LRFN2: variants seen among roughly 807,000 people sequenced by gnomAD.
LRFN2 encodes the protein leucine rich repeat and fibronectin type III domain containing 2, also known as leucine-rich repeat and fibronectin type-III domain-containing protein 2.
A neutral mutation model predicts 37.3 loss-of-function variants in LRFN2; 18 were observed. That is an observed-to-expected ratio of 0.48 (90% CI 0.33 to 0.72). The LOEUF is 0.72. Among genes scored for constraint, LRFN2 ranks in the 30% least tolerant of loss-of-function variants. LRFN2 has a pLI of 0.02. For missense variants in LRFN2, 1,006 were observed against 1,060.7 expected (o/e 0.95, Z 0.72); for synonymous variants, 556 against 466.6 (o/e 1.19, Z -2.47).
chr6:40,421,663 C>T (rs1348041425), intron 2 of LRFN2, among the ~76,000 whole-genome samples: 2 of 152,014 alleles, frequency 1.3e-5, no homozygotes, highest in African/African-American at 4.8e-5. Flanking sequence ...GTCAGTAATT[C>T]CAAAAGAGAG....
chr6:40,447,330 G>A (rs989049112), intron 1 of LRFN2, among the ~76,000 whole-genome samples: 1 of 152,170 alleles, frequency 6.6e-6, no homozygotes, highest in Non-Finnish European at 1.5e-5. Flanking sequence ...TACCTTTAAA[G>A]TTGTGGTAAT....
At chr6:40,494,846 G>A (rs555964853) in intron 1 of LRFN2, among the ~76,000 whole-genome samples, 1 of 152,288 alleles carries the variant, frequency 6.6e-6, no homozygotes, top group South Asian at 2.1e-4. Flanking sequence ...CACTGTTGAT[G>A]AAACAGTGTT....
chr6:40,417,269 G>T (rs894565628), intron 2 of LRFN2, among the ~76,000 whole-genome samples: 1 of 152,118 alleles, frequency 6.6e-6, no homozygotes, highest in African/African-American at 2.4e-5. Flanking sequence ...GCCGGCTGCC[G>T]CTGCTGCCAC....
chr6:40,511,967 G>C (rs904819295), intron 1 of LRFN2, among the ~76,000 whole-genome samples: 26 of 152,324 alleles, frequency 1.7e-4, no homozygotes, highest in Admixed American at 1.4e-3. Flanking sequence ...AGAAGGCTGA[G>C]GAAGAGGCAG....
intron 1 of LRFN2, among the ~76,000 whole-genome samples, chr6:40,483,702 G>T (rs891462365): frequency 1.3e-5 from 2 of 152,192 alleles, no homozygotes; most frequent in African/African-American, 4.8e-5. Flanking sequence ...GCAATTCCAT[G>T]ATGTGGGCAT....
chr6:40,442,390 A>G (rs1021119017), intron 1 of LRFN2, among the ~76,000 whole-genome samples: 1 of 152,216 alleles, frequency 6.6e-6, no homozygotes, highest in African/African-American at 2.4e-5. Context: ...GCTAGGTAGC[A>G]TTAAAGGTCA....
At chr6:40,469,935 C>T (rs1764554847) in intron 1 of LRFN2, among the ~76,000 whole-genome samples, 1 of 152,260 alleles carries the variant, frequency 6.6e-6, no homozygotes. Flanking sequence ...AGTTAGTCAT[C>T]TACCCACAGC....
chr6:40,521,216 T>C (rs954289301), intron 1 of LRFN2, among the ~76,000 whole-genome samples: 1 of 151,804 alleles, frequency 6.6e-6, no homozygotes, highest in East Asian at 2.0e-4. Context: ...ATGAGAAGGA[T>C]TGGGATTCTC....
chr6:40,432,882 G>A lies in LRFN2; in HGVS notation c.232C>T (p.Leu78=), dbSNP rs1429864472. The A allele has an allele frequency of 6.2e-7, 1 of 1,614,242 alleles. No homozygotes were observed. Among genetic ancestry groups the A allele is most frequent in the Non-Finnish European group, 8.5e-7 (1 of 1,180,048 alleles). Residue 78 remains leucine (L), a synonymous_variant, in exon 2 of 3, where the codon CTG becomes TTG. Coordinates refer to ENST00000338305, the MANE Select transcript of LRFN2 (RefSeq NM_020737.3). ...TTCCTGGACAGGGTCAGGTCCACCA[G>A]CCCCGTCATGTTGGCAAAGTCCTGG... ...SRQDFANMTG[L]VDLTLSRNTI...
chr6:40,564,538 AC>A (rs1467455995), intron 1 of LRFN2, among the ~76,000 whole-genome samples: 1 of 151,956 alleles, frequency 6.6e-6, no homozygotes. Context: ...TGATTTTACC[AC>A]CTAAGAAGGT....
intron 2 of LRFN2, among the ~76,000 whole-genome samples, chr6:40,399,548 G>T (rs927486207): frequency 7.2e-6 from 1 of 138,652 alleles, no homozygotes; most frequent in East Asian, 2.2e-4. Context: ...AGCGATTCTT[G>T]TGCTTCAGCC....
intron 1 of LRFN2, among the ~76,000 whole-genome samples, chr6:40,530,573 C>A (rs1766325248): frequency 6.6e-6 from 1 of 152,012 alleles, no homozygotes; most frequent in African/African-American, 2.4e-5. Context: ...TCTGATCACC[C>A]CTTTCCCAAC....
chr6:40,422,883 G>A (rs1763262046), intron 2 of LRFN2, among the ~76,000 whole-genome samples: 3 of 152,160 alleles, frequency 2.0e-5, no homozygotes. Context: ...CAGAAAAGAG[G>A]GAGACTGGAT....
At chr6:40,490,368 G>A (rs1277348082) in intron 1 of LRFN2, among the ~76,000 whole-genome samples, 3 of 152,190 alleles carry the variant, frequency 2.0e-5, no homozygotes, top group Non-Finnish European at 4.4e-5. Flanking sequence ...GAGGAGCAGC[G>A]AGGCTGCAGC....
chr6:40,392,413 C>T lies in LRFN2; in HGVS notation c.1900G>A (p.Gly634Arg). The change falls in exon 3 of 3, where the codon GGG becomes AGG. Residue 634 changes from glycine (G) to arginine (R), a missense_variant. This residue lies in a region of LRFN2 where 398 missense variants were observed against 327.6 expected (regional missense o/e 1.21). Transcript: ENST00000338305. This position sits in a 1 kb window ranked among gnomAD's most constrained non-coding sequence, Gnocchi z 4.7. ...ATCCTCCAGGGGGCCCGTCCCAGCCCCGCAGCCTCCCCACTGCCCAGGGAG... is the reference window on the plus strand; with the variant it reads ...ATCCTCCAGGGGGCCCGTCCCAGCCTCGCAGCCTCCCCACTGCCCAGGGAG... The part of the protein sequence containing the change: ...SSSLGSGEAA[G>R]LGRAPWRIPP... 6.4e-7 allele frequency: 1 copy of T among 1,568,642 alleles called. No individual in the cohort carries two copies. The highest frequency in any genetic ancestry group is 8.6e-7 in the Non-Finnish European group (1 of 1,156,978).
In LRFN2 at chr6:40,578,042, T is replaced by A. The variant is rs552801168; in HGVS notation, c.-19+8899A>T. 1.9e-3 allele frequency among the ~76,000 whole-genome samples: 285 copies of A among 152,168 alleles called. 3 individuals are homozygous for A. The highest frequency in any genetic ancestry group is 3.4e-3 in the Middle Eastern group (1 of 294). ...CTCCCAGCACAGCCCCGCCCTCACA[T>A]AAGCATTCAACAACCCTATAAAGTG... On this transcript the variant is annotated intron_variant, in intron 1 of 2. Transcript: ENST00000338305.
chr6:40,463,106 G>A (rs1408176245), intron 1 of LRFN2, among the ~76,000 whole-genome samples: 1 of 152,194 alleles, frequency 6.6e-6, no homozygotes, highest in Non-Finnish European at 1.5e-5. Context: ...TGAACCATAA[G>A]GTGGATTTGG....
chr6:40,534,406 C>T (rs2473578), intron 1 of LRFN2, among the ~76,000 whole-genome samples: 1 of 151,956 alleles, frequency 6.6e-6, no homozygotes, highest in Non-Finnish European at 1.5e-5. Context: ...GAGACCCCCC[C>T]ACTCCCCCCA....
At chr6:40,528,887 TCCAACTAGTC>T (rs1766302233) in intron 1 of LRFN2, among the ~76,000 whole-genome samples, 1 of 152,152 alleles carries the variant, frequency 6.6e-6, no homozygotes, top group African/African-American at 2.4e-5. Flanking sequence ...GATTGGTTGC[TCCAACTAGTC>T]CCACTGCTAG....
Sources: allele counts gnomAD v4.1 joint callset (sites outside exome capture counted in the v4.1 genomes callset), GRCh38; gene constraint gnomAD v4.1.1; regional missense constraint gnomAD v4.1.1; non-coding constraint Gnocchi (gnomAD v3.1); transcripts MANE v1.5; gene names NCBI Gene and HGNC (gene_info 2026-07-23, HGNC 2026-07-21).